Variants in STIP1 observed in about 807,000 individuals in gnomAD.
The protein encoded by STIP1 is stress induced phosphoprotein 1.
Under a neutral mutation model 77.4 loss-of-function variants are expected in STIP1, and 16 were observed. That is an observed-to-expected ratio of 0.21 (90% CI 0.14 to 0.31). The LOEUF (loss-of-function observed/expected upper bound fraction) is 0.31. Ranked by LOEUF, STIP1 falls within the 10% of genes least tolerant of loss-of-function variation. The probability of loss-of-function intolerance (pLI) is 1.00; values close to 1 mark genes in which losing one functional copy is unlikely to be tolerated. For synonymous variants in STIP1, 258 were observed against 246.6 expected (o/e 1.05, Z -0.44); for missense variants, 524 against 684.8 (o/e 0.77, Z 2.62).
Position 64,204,285 on chromosome 11 carries a change from T to C in STIP1, c.*159T>C. 1.4e-6 allele frequency: 1 copy of C among 706,478 alleles called. No homozygotes were observed. The highest frequency in any genetic ancestry group is 2.3e-6 in the Non-Finnish European group (1 of 436,380). 43.8% of individuals were successfully genotyped at this position (706,478 alleles called of 1,614,324 possible). A position where few individuals can be genotyped will look rare whatever the true frequency, so the allele number is the denominator to read the frequency against. The stretch of plus-strand genomic sequence containing the variant: ...AAGACACAGAGACTCGTACCTGCGC[T>C]GTTTGTGCCGCCGCTGCCTCTGGGC... On this transcript the variant is annotated 3_prime_UTR_variant, in exon 14 of 14. Coordinates refer to ENST00000305218, the MANE Select transcript of STIP1 (RefSeq NM_006819.3).
chr11:64,187,706 T>C (rs956439774), intron 1 of STIP1, among the ~76,000 whole-genome samples: 5 of 152,170 alleles, frequency 3.3e-5, no homozygotes, highest in African/African-American at 1.2e-4. Flanking sequence ...CTTTTACCTT[T>C]AAGAAAGGAT....
chr11:64,193,429 T>G, intron 2 of STIP1, 142 bp downstream of exon 2: 1 of 732,418 alleles, frequency 1.4e-6, no homozygotes, highest in South Asian at 1.8e-5. Flanking sequence ...GAAATGGCAT[T>G]TTTCATCAAA....
At chr11:64,197,667 T>TG (rs1218663917) in intron 7 of STIP1, 72 bp downstream of exon 7, 1 of 1,585,924 alleles carries the variant, frequency 6.3e-7, no homozygotes, top group East Asian at 2.2e-5. Flanking sequence ...TTTCTCTGCA[T>TG]GGGGAGGAGG....
chr11:64,197,131 G>T, intron 5 of STIP1, 140 bp from the exon 6 acceptor site: 1 of 1,064,310 alleles, frequency 9.4e-7, no homozygotes, highest in South Asian at 1.6e-5. Flanking sequence ...GTCTATAGCT[G>T]ACTGATGAAG....
chr11:64,202,951 A>G (rs1435255100), intron 11 of STIP1, 39 bp downstream of exon 11: 2 of 1,613,860 alleles, frequency 1.2e-6, no homozygotes, highest in African/African-American at 1.3e-5. Context: ...GTCTCTAGCC[A>G]AAAGATTAGA....
intron 1 of STIP1, 78 bp from the exon 2 acceptor site, chr11:64,193,000 G>A: frequency 7.2e-7 from 1 of 1,380,598 alleles, no homozygotes; most frequent in Non-Finnish European, 1.0e-6. Context: ...GTAACTACAT[G>A]AAAGAATGAG....
At chr11:64,200,361 T>C (rs1418367868) in intron 10 of STIP1, 68 bp downstream of exon 10, 6 of 1,541,420 alleles carry the variant, frequency 3.9e-6, no homozygotes, top group Non-Finnish European at 5.2e-6. Context: ...TCTCTCTCTC[T>C]CCTCATCAAC....
In STIP1 at chr11:64,193,118, T is replaced by C; in HGVS notation, c.50T>C (p.Val17Ala). The C allele has an allele frequency of 6.2e-7, 1 of 1,614,170 alleles. No individual in the cohort carries two copies. The highest frequency in any genetic ancestry group is 8.5e-7 in the Non-Finnish European group (1 of 1,180,034). ...LKEKGNKALS[V>A]GNIDDALQCY... Reference sequence around the variant, plus strand: ...GAGAAAGGCAACAAGGCCCTGAGCGTGGGTAACATCGATGATGCCTTACAG... The same window carrying C: ...GAGAAAGGCAACAAGGCCCTGAGCGCGGGTAACATCGATGATGCCTTACAG... The change falls in exon 2 of 14, where the codon GTG (valine) becomes GCG (alanine). Residue 17 changes from valine (V) to alanine (A), a missense_variant. Physicochemically the swap from Val to Ala is moderately conservative, Grantham distance 64. Coordinates refer to ENST00000305218, the MANE Select transcript of STIP1 (RefSeq NM_006819.3).
At chr11:64,203,355 C>G in intron 12 of STIP1, 95 bp from the exon 13 acceptor site, 6 of 1,585,492 alleles carry the variant, frequency 3.8e-6, no homozygotes, top group Non-Finnish European at 5.2e-6. Flanking sequence ...CTTGTTCTCT[C>G]TCCCCTTGTC....
In STIP1 at chr11:64,186,252, G is replaced by T. The variant is rs750752120; in HGVS notation, c.-10G>T. On this transcript the variant is annotated 5_prime_UTR_variant, in exon 1 of 14. Coordinates refer to ENST00000305218, the MANE Select transcript of STIP1 (RefSeq NM_006819.3). The stretch of plus-strand genomic sequence containing the variant: ...ATTCGATTCAACGGGGTTCCGGACC[G>T]CGCTGCGCTATGGAGCAGGTGAAGG... 1.3e-6 allele frequency: 2 copies of T among 1,550,150 alleles called. No individual in the cohort carries two copies. Among genetic ancestry groups the T allele is most frequent in the Non-Finnish European group, 8.7e-7 (1 of 1,146,840 alleles).
chr11:64,197,209 TAG>T, intron 5 of STIP1, 60 bp from the exon 6 acceptor site: 7 of 1,601,844 alleles, frequency 4.4e-6, no homozygotes, highest in Non-Finnish European at 6.0e-6. Context: ...TGACAGATCA[TAG>T]ATTCTTGCTT....
At chr11:64,189,563 T>C (rs944424210) in intron 1 of STIP1, among the ~76,000 whole-genome samples, 2 of 148,544 alleles carry the variant, frequency 1.3e-5, no homozygotes, top group Admixed American at 6.7e-5. Context: ...ATGTTCAGGC[T>C]TTTTTTTTTC....
At chr11:64,191,495 A>G (rs1478930287) in intron 1 of STIP1, among the ~76,000 whole-genome samples, 1 of 151,834 alleles carries the variant, frequency 6.6e-6, no homozygotes, top group African/African-American at 2.4e-5. Context: ...AATCCCAGCT[A>G]CTCAGGAGGC....
chr11:64,198,840 A>G (rs1413130736), intron 8 of STIP1, among the ~76,000 whole-genome samples: 2 of 150,026 alleles, frequency 1.3e-5, no homozygotes, highest in African/African-American at 4.9e-5. Flanking sequence ...TGCATTGAGA[A>G]TGTTAATAGT....
At chr11:64,195,362 C>T (rs753089838) in intron 4 of STIP1, among the ~76,000 whole-genome samples, 2 of 152,072 alleles carry the variant, frequency 1.3e-5, no homozygotes, top group South Asian at 2.1e-4. Context: ...GTGGTCTGCC[C>T]GCCTCGGCCT....
rs543431225 is a variant in STIP1, at chr11:64,204,500, G to A, written c.*374G>A. ...CCAGCTGTCTCACGTTGTTTATTCTGCGTCCCCTTCTCCAATAAAACAAGC... is the reference window on the plus strand; with the variant it reads ...CCAGCTGTCTCACGTTGTTTATTCTACGTCCCCTTCTCCAATAAAACAAGC... On this transcript the variant is annotated 3_prime_UTR_variant, in exon 14 of 14. Transcript: ENST00000305218. The A allele has an allele frequency of 2.7e-5, 7 of 255,718 alleles. No homozygotes were observed. The East Asian group carries it at 3.9e-4, about 14-fold the overall frequency. 15.8% of individuals were successfully genotyped at this position (255,718 alleles called of 1,614,324 possible). A position where few individuals can be genotyped will look rare whatever the true frequency, so the allele number is the denominator to read the frequency against.
At chr11:64,203,411 G>A in intron 12 of STIP1, 39 bp from the exon 13 acceptor site, 3 of 1,612,552 alleles carry the variant, frequency 1.9e-6, no homozygotes, top group South Asian at 1.1e-5. Context: ...GAGCTGGGTG[G>A]TCCTAACACG....
chr11:64,203,110 C>T lies in STIP1; in HGVS notation c.1283-15C>T, dbSNP rs759219551. On this transcript the variant is annotated splice_polypyrimidine_tract_variant and intron_variant, in intron 11 of 13. Transcript: ENST00000305218. ...GCGCTGCGGTTGGATAACGCGCCAC[C>T]TTTCCTGTTTGTAGTCAAGGGTTAT... is the stretch of plus-strand genomic sequence containing the variant. The T allele has an allele frequency of 2.8e-5, 45 of 1,614,128 alleles. No individual in the cohort carries two copies. The highest frequency in any genetic ancestry group is 3.8e-5 in the Non-Finnish European group (45 of 1,179,998).
rs147750881 is a variant in STIP1, at chr11:64,193,082, A to G, written c.14A>G (p.Asn5Ser). The part of the protein sequence containing the change: MEQV[N>S]ELKEKGNKAL... ...TGTGTGTTCCTTTCCCCTCAGGTCA[A>G]TGAGCTGAAGGAGAAAGGCAACAAG... Residue 5 changes from asparagine (N) to serine (S), a missense_variant, in exon 2 of 14, where the codon AAT becomes AGT. By Grantham distance (46) the Asn-to-Ser change is conservative. Coordinates refer to ENST00000305218, the MANE Select transcript of STIP1 (RefSeq NM_006819.3). The G allele has an allele frequency of 3.2e-4, 523 of 1,614,056 alleles. 4 individuals are homozygous for G. Among genetic ancestry groups the G allele is most frequent in the East Asian group, 9.6e-4 (43 of 44,894 alleles).
Sources: gnomAD v4.1 joint callset for allele counts (sites outside exome capture counted in the v4.1 genomes callset) on GRCh38, gnomAD v4.1.1 for gene constraint, MANE v1.5 for transcripts, NCBI Gene and HGNC (gene_info 2026-07-23, HGNC 2026-07-21) for gene names.